TMEM273: variants seen among roughly 807,000 people sequenced by gnomAD.
The protein encoded by TMEM273 is transmembrane protein 273, also known as chromosome 10 open reading frame 128.
TMEM273 carries 19 observed loss-of-function variants against 17.9 expected under a neutral mutation model. That is an observed-to-expected ratio of 1.06 (90% CI 0.74 to 1.55). The LOEUF is 1.55. TMEM273 is among the 40% of genes most tolerant of loss of function. The pLI, the probability that TMEM273 is intolerant of heterozygous loss-of-function variation, is 0.00. For missense variants in TMEM273, 194 were observed against 155.6 expected (o/e 1.25, Z -1.31); for synonymous variants, 66 against 62.0 (o/e 1.07, Z -0.31).
intron 5 of TMEM273, among the ~76,000 whole-genome samples, chr10:49,164,439 C>T (rs1846037100): frequency 6.6e-6 from 1 of 152,202 alleles, no homozygotes; most frequent in South Asian, 2.1e-4. Context: ...TTCCTGGCTG[C>T]AGCTGGGCCC....
Position 49,161,650 on chromosome 10 carries a change from T to C in TMEM273, c.349-28A>G, listed in dbSNP as rs748689250. ...GCAAAACAAGATAAAAGGGTGTTCA[T>C]TGCCTAAGCCTTAGAAGCCAGAAAG... On this transcript the variant is annotated intron_variant, in intron 5 of 6. Coordinates refer to ENST00000374153, the MANE Select transcript of TMEM273 (RefSeq NM_001288740.3). 3.7e-6 allele frequency: 6 copies of C among 1,614,226 alleles called. No homozygotes were observed. The South Asian group carries it at 6.6e-5, about 18-fold the overall frequency.
At chr10:49,157,744 C>T (rs1295797239) in intron 6 of TMEM273, among the ~76,000 whole-genome samples, 1 of 152,238 alleles carries the variant, frequency 6.6e-6, no homozygotes, top group Non-Finnish European at 1.5e-5. Context: ...ACTTGATGGA[C>T]ACCACTAGTG....
At chr10:49,166,410 G>A (rs1846187519) in intron 3 of TMEM273, 1 of 224,874 alleles carries the variant, frequency 4.4e-6, no homozygotes, top group Non-Finnish European at 8.9e-6. Flanking sequence ...AGTGTCAACA[G>A]AACCTCCCAC....
At chr10:49,163,928 T>G (rs1819124191) in intron 5 of TMEM273, among the ~76,000 whole-genome samples, 1 of 152,128 alleles carries the variant, frequency 6.6e-6, no homozygotes, top group African/African-American at 2.4e-5. Context: ...GCAGCCACAA[T>G]GCACCATGCG....
chr10:49,165,928 G>A (rs1468011308), intron 3 of TMEM273, 132 bp from the exon 4 acceptor site: 3 of 1,133,752 alleles, frequency 2.6e-6, no homozygotes, highest in Non-Finnish European at 3.9e-6. Flanking sequence ...GGGCCTGGCT[G>A]CTATGTGATG....
At chr10:49,159,992 C>T (rs1375518078) in intron 6 of TMEM273, among the ~76,000 whole-genome samples, 1 of 151,996 alleles carries the variant, frequency 6.6e-6, no homozygotes, top group Non-Finnish European at 1.5e-5. Flanking sequence ...TAATAATCCT[C>T]AACAAAAGAA....
rs1846136273 is a variant in TMEM273, at chr10:49,165,752, G to T, written c.269+14C>A. On this transcript the variant is annotated intron_variant, in intron 4 of 6. Transcript: ENST00000374153. ...CACGATACCTCTCCCTGACTGTGTGGGCAGTGACCTTACCTTGGGGCTCTC... is the reference window on the plus strand; with the variant it reads ...CACGATACCTCTCCCTGACTGTGTGTGCAGTGACCTTACCTTGGGGCTCTC... The T allele has an allele frequency of 1.2e-6, 2 of 1,614,150 alleles. No homozygotes were observed. The highest frequency in any genetic ancestry group is 1.7e-6 in the Non-Finnish European group (2 of 1,180,002).
chr10:49,163,131 G>A (rs1564623080), intron 5 of TMEM273, among the ~76,000 whole-genome samples: 1 of 152,208 alleles, frequency 6.6e-6, no homozygotes, highest in African/African-American at 2.4e-5. Flanking sequence ...GCCTCTTAGG[G>A]CGGGGGGAAG....
intron 1 of TMEM273, among the ~76,000 whole-genome samples, chr10:49,180,280 C>A (rs1847263657): frequency 6.6e-6 from 1 of 152,198 alleles, no homozygotes; most frequent in South Asian, 2.1e-4. Flanking sequence ...GTGCTGTCTG[C>A]AAGTGCTAAA....
chr10:49,167,807 G>T (rs1293762003), intron 2 of TMEM273, 102 bp downstream of exon 2: 2 of 1,464,802 alleles, frequency 1.4e-6, no homozygotes, highest in East Asian at 4.5e-5. Context: ...TATGCTGACA[G>T]CAGGGAACCA....
chr10:49,181,138 T>C (rs1847315549), intron 1 of TMEM273, among the ~76,000 whole-genome samples: 1 of 152,178 alleles, frequency 6.6e-6, no homozygotes. Context: ...ATACTTTAAA[T>C]ACAACACAAC....
intron 1 of TMEM273, among the ~76,000 whole-genome samples, chr10:49,181,925 GC>G (rs1356363193): frequency 6.6e-6 from 1 of 152,132 alleles, no homozygotes; most frequent in Non-Finnish European, 1.5e-5. Context: ...GAAAATATTT[GC>G]ACTCCACATA....
At chr10:49,175,934 A>G (rs909220100) in intron 1 of TMEM273, among the ~76,000 whole-genome samples, 14 of 152,212 alleles carry the variant, frequency 9.2e-5, no homozygotes, top group African/African-American at 3.4e-4. Context: ...TCACTGGAGA[A>G]AGGACTTGCC....
chr10:49,173,090 G>A (rs1017916926), intron 1 of TMEM273, among the ~76,000 whole-genome samples: 3 of 152,212 alleles, frequency 2.0e-5, no homozygotes, highest in East Asian at 1.9e-4. Flanking sequence ...GGAGGCCTGC[G>A]TTTGCCCACT....
rs116875788 is a variant in TMEM273 at position 49,167,812 on chromosome 10, G to A, written c.97+97C>T. On this transcript the variant is annotated intron_variant, in intron 2 of 6. Coordinates refer to ENST00000374153, the MANE Select transcript of TMEM273 (RefSeq NM_001288740.3). ...CCCCTTTTCCTATGCTGACAGCAGG[G>A]AACCAATTCCAGCACTGCGGCCCTC... The A allele has an allele frequency of 1.3e-4, 192 of 1,497,074 alleles. 1 individual carries two copies. In the East Asian group the frequency reaches 4.1e-3, roughly 32 times the overall value. 92.7% of individuals were successfully genotyped at this position (1,497,074 alleles called of 1,614,324 possible).
chr10:49,170,030 C>T (rs531116736), intron 1 of TMEM273, among the ~76,000 whole-genome samples: 2 of 152,346 alleles, frequency 1.3e-5, no homozygotes, highest in African/African-American at 4.8e-5. Context: ...TTGCTTGGTC[C>T]CCCCTCCCAT....
intron 6 of TMEM273, chr10:49,156,309 T>A: frequency 1.5e-6 from 2 of 1,299,032 alleles, no homozygotes; most frequent in Non-Finnish European, 2.0e-6. Flanking sequence ...TGGAAAATAA[T>A]GCCTTCACAT....
intron 6 of TMEM273, chr10:49,160,231 G>C (rs1845758821): frequency 6.6e-6 from 1 of 152,104 alleles, no homozygotes; most frequent in Admixed American, 6.5e-5. Context: ...TTTCAGAGGG[G>C]AAAATTCTAA....
chr10:49,187,875 T>C (rs1847822805), intron 1 of TMEM273, among the ~76,000 whole-genome samples: 1 of 152,250 alleles, frequency 6.6e-6, no homozygotes, highest in Admixed American at 6.5e-5. Flanking sequence ...CATGTTCTCA[T>C]TCTATGTCAG....
Sources: allele counts gnomAD v4.1 joint callset (sites outside exome capture counted in the v4.1 genomes callset), GRCh38; gene constraint gnomAD v4.1.1; transcripts MANE v1.5; gene names NCBI Gene and HGNC (gene_info 2026-07-23, HGNC 2026-07-21).